FLNB: variants seen among roughly 807,000 people sequenced by gnomAD.
FLNB encodes the protein filamin-B.
FLNB carries 111 observed loss-of-function variants against 250.6 expected under a neutral mutation model. The observed-to-expected ratio is 0.44, with a 90% CI of 0.38 to 0.52. FLNB has a LOEUF of 0.52. FLNB is among the 20% of genes least tolerant of loss of function. FLNB has a pLI of 0.00. For synonymous variants in FLNB, 1,302 were observed against 1,372.1 expected (o/e 0.95, Z 1.13); for missense variants, 2,869 against 3,447.8 (o/e 0.83, Z 4.20).
intron 1 of FLNB, among the ~76,000 whole-genome samples, chr3:58,075,489 G>A (rs1277224896): frequency 6.6e-6 from 1 of 152,190 alleles, no homozygotes; most frequent in East Asian, 1.9e-4. Flanking sequence ...TGAGCCTGCA[G>A]TATGGTGGGT....
chr3:58,013,099 G>A (rs554544329), intron 1 of FLNB, among the ~76,000 whole-genome samples: 2 of 152,350 alleles, frequency 1.3e-5, no homozygotes, highest in East Asian at 3.9e-4. Flanking sequence ...TTTGCCAGGA[G>A]TTGGCAGTTT....
Position 58,121,285 on chromosome 3 carries a change from G to T in FLNB, c.2908G>T (p.Gly970Trp), listed in dbSNP as rs199653368. 4.6e-5 allele frequency: 75 copies of T among 1,614,008 alleles called. No individual in the cohort carries two copies. The highest frequency in any genetic ancestry group is 5.5e-5 in the Non-Finnish European group (65 of 1,180,014). ...KDQEFTVDTR[G>W]AGGQGKLDVT... Reference sequence around the variant, plus strand: ...TCAGGAGTTCACCGTTGATACCAGGGGGGCAGGAGGCCAGGGGAAGCTGGA... The same window carrying T: ...TCAGGAGTTCACCGTTGATACCAGGTGGGCAGGAGGCCAGGGGAAGCTGGA... Residue 970 changes from glycine (G) to tryptophan (W), a missense_variant, in exon 20 of 46, where the codon GGG becomes TGG. By Grantham distance (184) the Gly-to-Trp change is radical. Around this residue, in one of 5 missense-constraint regions of FLNB, gnomAD observed 1,348 missense variants for 1,466.7 expected, o/e 0.92. Coordinates refer to ENST00000295956, the MANE Select transcript of FLNB (RefSeq NM_001457.4).
At chr3:58,153,712 A>G (rs1481067191) in intron 39 of FLNB, 71 bp downstream of exon 39, 24 of 1,569,016 alleles carry the variant, frequency 1.5e-5, no homozygotes, top group Admixed American at 1.2e-4. Flanking sequence ...GCACCCACAT[A>G]CTTTTTTGCC....
chr3:58,102,447 G>T (rs1576720872), intron 9 of FLNB, 107 bp downstream of exon 9: 3 of 1,283,370 alleles, frequency 2.3e-6, no homozygotes, highest in East Asian at 4.6e-5. Context: ...ATCCCAGAAG[G>T]CTATGTCAAG....
chr3:58,096,352 G>A (rs1219669297), intron 6 of FLNB, 134 bp downstream of exon 6: 2 of 732,756 alleles, frequency 2.7e-6, no homozygotes, highest in East Asian at 5.4e-5. Flanking sequence ...CTATGCTCAT[G>A]ATAGAAAATT....
At chr3:58,098,585 G>C in intron 7 of FLNB, 126 bp from the exon 8 acceptor site, 2 of 818,174 alleles carry the variant, frequency 2.4e-6, no homozygotes, top group Non-Finnish European at 4.1e-6. Context: ...TACCCACCTC[G>C]GCCTCTCGAA....
intron 1 of FLNB, among the ~76,000 whole-genome samples, chr3:58,054,899 C>A (rs2097167882): frequency 6.6e-6 from 1 of 152,166 alleles, no homozygotes; most frequent in South Asian, 2.1e-4. Context: ...TATGTACTGT[C>A]TATGGATGCT....
chr3:58,118,879 T>C lies in FLNB; in HGVS notation c.2753T>C (p.Met918Thr). The C allele has an allele frequency of 1.2e-6, 2 of 1,613,710 alleles. No individual in the cohort carries two copies. Among genetic ancestry groups the C allele is most frequent in the Non-Finnish European group, 1.7e-6 (2 of 1,179,648 alleles). The change falls in exon 19 of 46, where the codon ATG (methionine) becomes ACG (threonine). Residue 918 changes from methionine to threonine, a missense_variant. Coordinates refer to ENST00000295956, the MANE Select transcript of FLNB (RefSeq NM_001457.4). ...TTTTCTCTCTTGTTCCAGGGCAACA[T>C]GCAGGTTCTGGTGACTTACGGTGGC... ...VKYTPTQQGN[M>T]QVLVTYGGDP...
At chr3:58,105,000 G>A (rs2097257339) in intron 10 of FLNB, 80 bp from the exon 11 acceptor site, 2 of 1,582,412 alleles carry the variant, frequency 1.3e-6, no homozygotes, top group South Asian at 2.2e-5. Context: ...GAAAGAATGT[G>A]CAAAGGAACT....
chr3:58,134,713 G>A lies in FLNB; in HGVS notation c.4612G>A (p.Val1538Met), dbSNP rs772744361. 1 of 1,614,178 alleles carries A rather than the reference G, an allele frequency of 6.2e-7. No homozygotes were observed. Among genetic ancestry groups the A allele is most frequent in the African/African-American group, 1.3e-5 (1 of 75,060 alleles). Residue 1538 changes from valine (V) to methionine (M), a missense_variant, in exon 27 of 46, where the codon GTG (valine) becomes ATG (methionine). By Grantham distance (21) the Val-to-Met change is conservative. Coordinates refer to ENST00000295956, the MANE Select transcript of FLNB (RefSeq NM_001457.4). ...SSYGVPASLP[V>M]DFAIDARDAG... ...CTATGGTGTGCCTGCCAGTCTACCT[G>A]TGGACTTTGCAATTGATGCCCGAGA...
At position 58,110,155 on chromosome 3, in the gene FLNB, T is replaced by C; in HGVS notation, c.2469T>C (p.Val823=). 6.2e-7 allele frequency: 1 copy of C among 1,614,166 alleles called. No homozygotes were observed. The highest frequency in any genetic ancestry group is 8.5e-7 in the Non-Finnish European group (1 of 1,180,036). The stretch of plus-strand genomic sequence containing the variant: ...CTGCTGGGCGATACACTATCAAAGT[T>C]CTCTTTGCATCTCAGGTACGTGGTG... The part of the protein sequence containing the change: ...PPAAGRYTIK[V]LFASQEIPAS... Residue 823 remains valine (V), a synonymous_variant, in exon 16 of 46, where the codon GTT becomes GTC. Transcript: ENST00000295956.
Position 58,123,536 on chromosome 3 carries a change from C to T in FLNB, c.3570C>T (p.Tyr1190=), listed in dbSNP as rs746183204. 1.3e-5 allele frequency: 21 copies of T among 1,607,612 alleles called. No individual in the cohort carries two copies. The highest frequency in any genetic ancestry group is 4.0e-5 in the African/African-American group (3 of 74,476). Residue 1190 remains tyrosine, a synonymous_variant, in exon 21 of 46, where the codon TAC becomes TAT. Coordinates refer to ENST00000295956, the MANE Select transcript of FLNB (RefSeq NM_001457.4). The part of the protein sequence containing the change: ...VSIQNNKDGT[Y]AVTYVPLTAG... Reference sequence around the variant, plus strand: ...TTCAGAACAACAAAGATGGCACCTACGCGGTGACCTACGTGCCCCTGACGG... The same window carrying T: ...TTCAGAACAACAAAGATGGCACCTATGCGGTGACCTACGTGCCCCTGACGG...
Position 58,148,808 on chromosome 3 carries a change from G to A in FLNB, c.6047G>A (p.Arg2016Gln), listed in dbSNP as rs137885421. The A allele has an allele frequency of 2.2e-4, 362 of 1,613,870 alleles. No individual in the cohort carries two copies. In the African/African-American group the frequency reaches 4.2e-3, roughly 19 times the overall value. Residue 2016 changes from arginine to glutamine, a missense_variant, in exon 36 of 46, where the codon CGG becomes CAG. Around this residue, in one of 5 missense-constraint regions of FLNB, gnomAD observed 1,084 missense variants for 1,315.5 expected, o/e 0.82. Transcript: ENST00000295956. ...KVYGRGLSEG[R>Q]TFEMSDFIVD... The stretch of plus-strand genomic sequence containing the variant: ...TATGGCCGCGGCCTGTCAGAAGGCC[G>A]GACTTTCGAGATGTCTGACTTCATC...
intron 1 of FLNB, among the ~76,000 whole-genome samples, chr3:58,054,930 C>A (rs1239525509): frequency 6.6e-6 from 1 of 152,136 alleles, no homozygotes; most frequent in African/African-American, 2.4e-5. Context: ...AACAATAGAT[C>A]CAAATAGTTG....
chr3:58,098,948 GA>G, intron 8 of FLNB, 40 bp downstream of exon 8: 2 of 1,559,954 alleles, frequency 1.3e-6, no homozygotes, highest in Non-Finnish European at 1.8e-6. Context: ...TTCTCATAGG[GA>G]AGCTGACTGC....
At chr3:58,162,920 A>C in intron 42 of FLNB, 1 of 542,238 alleles carries the variant, frequency 1.8e-6, no homozygotes, top group South Asian at 2.1e-5. Context: ...CAGGGGTCAG[A>C]GTCTTGTCCT....
At chr3:58,166,220 C>G (rs2362901) in intron 43 of FLNB, 59,331 of 152,096 alleles carry the variant, frequency 0.39, 13,477 homozygotes, top group East Asian at 0.91. Flanking sequence ...CCTGCTTTCT[C>G]TTTTCCCACC....
At chr3:58,030,497 TC>T (rs1200378561) in intron 1 of FLNB, among the ~76,000 whole-genome samples, 1 of 152,120 alleles carries the variant, frequency 6.6e-6, no homozygotes, top group Non-Finnish European at 1.5e-5. Flanking sequence ...AATCAGGCCT[TC>T]CCAGAGCCAG....
Position 58,008,813 on chromosome 3 carries a change from G to A in FLNB, c.249G>A (p.Ala83=), listed in dbSNP as rs112750785. 1,709 of 1,613,932 alleles carry A rather than the reference G, an allele frequency of 1.1e-3. 14 individuals are homozygous for A. In the African/African-American group the frequency reaches 0.02, roughly 19 times the overall value. Residue 83 remains alanine (A), a synonymous_variant, in exon 1 of 46, where the codon GCG becomes GCA. Coordinates refer to ENST00000295956, the MANE Select transcript of FLNB (RefSeq NM_001457.4). ...TGCAGCTCGAGAATGTGTCCGTGGC[G>A]CTCGAGTTCCTGGACCGTGAGAGCA... ...RQMQLENVSV[A]LEFLDRESIK...
Sources: gnomAD v4.1 joint callset for allele counts (sites outside exome capture counted in the v4.1 genomes callset) on GRCh38, gnomAD v4.1.1 for gene constraint, gnomAD v4.1.1 regional missense constraint, MANE v1.5 for transcripts, NCBI Gene and HGNC (gene_info 2026-07-23, HGNC 2026-07-21) for gene names.